The following NOS1AP variants were observed in gnomAD, a reference collection of about 807,000 sequenced individuals.
NOS1AP encodes the protein nitric oxide synthase 1 adaptor protein.
In NOS1AP, 21 loss-of-function variants were observed where a neutral mutation model predicts 56.2. The observed-to-expected ratio is 0.37, with a 90% confidence interval of 0.26 to 0.54. The LOEUF is 0.54. Among genes scored for constraint, NOS1AP ranks in the 20% least tolerant of loss-of-function variants. NOS1AP has a pLI of 0.84. For synonymous variants in NOS1AP, 270 were observed against 274.6 expected, an observed-to-expected ratio of 0.98 and a Z score of 0.17; for missense variants, 522 against 657.8, an observed-to-expected ratio of 0.79 and a Z score of 2.26.
Position 162,217,267 on chromosome 1 carries a change from C to CTTTTTTTTTTTTTTTTTTTTT in NOS1AP, c.177+62805_177+62806insTTTTTTTTTTTTTTTTTTTTT, listed in dbSNP as rs61378473. 2.8e-3 allele frequency among the ~76,000 whole-genome samples: 190 copies of CTTTTTTTTTTTTTTTTTTTTT among 68,376 alleles called. 44 individuals carry two copies. Among genetic ancestry groups the CTTTTTTTTTTTTTTTTTTTTT allele is most frequent in the African/African-American group, 3.4e-3 (58 of 16,940 alleles). 44.9% of individuals were successfully genotyped at this position (68,376 alleles called of 152,430 possible). On this transcript the variant is annotated intron_variant, in intron 2 of 9. Coordinates refer to ENST00000361897, the MANE Select transcript of NOS1AP (RefSeq NM_014697.3). ...TGGGTCCTGAAACAGCTGTTGTTAG[C>CTTTTTTTTTTTTTTTTTTTTT]TTTTTTTTTTTTTTGAGATGAAGTC...
At chr1:162,094,447 A>G (rs182332575) in intron 1 of NOS1AP, among the ~76,000 whole-genome samples, 20 of 152,238 alleles carry the variant, frequency 1.3e-4, no homozygotes, top group African/African-American at 4.8e-4. Context: ...CTTCCCCTGG[A>G]GCCCACAAAA....
At chr1:162,098,102 CTTTTTTTTTTTTT>C (rs35307081) in intron 1 of NOS1AP, among the ~76,000 whole-genome samples, 1 of 80,610 alleles carries the variant, frequency 1.2e-5, no homozygotes, top group Admixed American at 1.6e-4. Flanking sequence ...CTCTCTTTTG[CTTTTTTTTTTTTT>C]TTTTTTTTTG....
At chr1:162,170,899 A>G (rs1650745242) in intron 2 of NOS1AP, among the ~76,000 whole-genome samples, 1 of 151,690 alleles carries the variant, frequency 6.6e-6, no homozygotes, top group Non-Finnish European at 1.5e-5. Flanking sequence ...AGATTGTGCC[A>G]TTGCACTCTA....
At chr1:162,257,399 A>C (rs1284286376) in intron 2 of NOS1AP, among the ~76,000 whole-genome samples, 2 of 152,086 alleles carry the variant, frequency 1.3e-5, no homozygotes, top group East Asian at 3.9e-4. Flanking sequence ...CTGTAATCCC[A>C]GCACTTTGGG....
intron 1 of NOS1AP, among the ~76,000 whole-genome samples, chr1:162,078,888 G>T (rs1190670162): frequency 6.6e-6 from 1 of 152,152 alleles, no homozygotes; most frequent in Non-Finnish European, 1.5e-5. Flanking sequence ...TTGTATTAGA[G>T]CTGCTTGTCC....
chr1:162,113,744 C>T (rs1350774940), intron 1 of NOS1AP, among the ~76,000 whole-genome samples: 1 of 152,062 alleles, frequency 6.6e-6, no homozygotes, highest in African/African-American at 2.4e-5. Context: ...CTACCTCCTG[C>T]CAGGCCCCAC....
chr1:162,294,224 GAAGAAAGA>G (rs879481382), intron 3 of NOS1AP, among the ~76,000 whole-genome samples: 42 of 149,820 alleles, frequency 2.8e-4, no homozygotes, highest in Non-Finnish European at 4.9e-4. Flanking sequence ...AGGAAGGAAG[GAAGAAAGA>G]AAGGAAGGAA....
At chr1:162,121,082 A>ATTTTTTT (rs372854857) in intron 1 of NOS1AP, among the ~76,000 whole-genome samples, 2 of 103,064 alleles carry the variant, frequency 1.9e-5, no homozygotes, top group Non-Finnish European at 4.0e-5. Flanking sequence ...GCACACTAGG[A>ATTTTTTT]TTTTTTTTTT....
chr1:162,329,005 G>A (rs1012469205), intron 4 of NOS1AP, among the ~76,000 whole-genome samples: 2 of 139,096 alleles, frequency 1.4e-5, no homozygotes, highest in African/African-American at 6.6e-5. Flanking sequence ...GAGAAGGGGG[G>A]TATTGGTGGT....
chr1:162,307,352 G>C (rs1233023308), intron 4 of NOS1AP, among the ~76,000 whole-genome samples: 1 of 152,170 alleles, frequency 6.6e-6, no homozygotes, highest in Non-Finnish European at 1.5e-5. Flanking sequence ...AAACTAGGGG[G>C]AGTAAATTAA....
At chr1:162,221,738 G>A (rs1279183216) in intron 2 of NOS1AP, among the ~76,000 whole-genome samples, 3 of 152,094 alleles carry the variant, frequency 2.0e-5, no homozygotes, top group African/African-American at 4.8e-5. Flanking sequence ...ATTTAAAAAC[G>A]TTTGTCAGCA....
intron 1 of NOS1AP, among the ~76,000 whole-genome samples, chr1:162,108,252 C>G (rs1191312217): frequency 6.6e-6 from 1 of 152,192 alleles, no homozygotes; most frequent in Non-Finnish European, 1.5e-5. Flanking sequence ...CAGGGAAACT[C>G]TGGAGGACTC....
intron 6 of NOS1AP, among the ~76,000 whole-genome samples, chr1:162,351,924 TAAGGGCC>T (rs928545983): frequency 2.0e-5 from 3 of 152,204 alleles, no homozygotes; most frequent in African/African-American, 7.2e-5. Flanking sequence ...CAGGGGTTCC[TAAGGGCC>T]ACCTTTCTCT....
intron 2 of NOS1AP, among the ~76,000 whole-genome samples, chr1:162,218,950 C>T (rs1652672821): frequency 6.6e-6 from 1 of 152,182 alleles, no homozygotes; most frequent in Admixed American, 6.5e-5. Context: ...AACAGTTTTT[C>T]ACATGCAGTT....
At chr1:162,324,297 T>C (rs555351384) in intron 4 of NOS1AP, among the ~76,000 whole-genome samples, 1 of 152,268 alleles carries the variant, frequency 6.6e-6, no homozygotes, top group East Asian at 1.9e-4. Context: ...TAGATTTGGT[T>C]TTTGACAGCC....
chr1:162,117,525 C>T (rs1451257865), intron 1 of NOS1AP, among the ~76,000 whole-genome samples: 1 of 152,060 alleles, frequency 6.6e-6, no homozygotes, highest in East Asian at 1.9e-4. Flanking sequence ...CATTATGAGC[C>T]CTGGCAGACA....
Position 162,283,882 on chromosome 1 carries a change from G to A in NOS1AP, c.178-3462G>A, listed in dbSNP as rs192195936. On this transcript the variant is annotated intron_variant, in intron 2 of 9. Transcript: ENST00000361897. The stretch of plus-strand genomic sequence containing the variant: ...GCCATATTCAGGGAGGGCCAGGCCC[G>A]TTGGCACAGACTGCAGGGCTGGCAT... Among the ~76,000 whole-genome samples, 40 of 152,334 alleles carry A rather than the reference G, an allele frequency of 2.6e-4. No individual in the cohort carries two copies. In the East Asian group the frequency reaches 2.7e-3, roughly 10 times the overall value.
chr1:162,216,121 A>G (rs1430177594), intron 2 of NOS1AP, among the ~76,000 whole-genome samples: 2 of 152,104 alleles, frequency 1.3e-5, no homozygotes, highest in Admixed American at 6.5e-5. Context: ...CCCTGTCATC[A>G]GTCTTCTGAG....
At chr1:162,273,157 G>GTCC (rs1455250704) in intron 2 of NOS1AP, among the ~76,000 whole-genome samples, 6 of 102,678 alleles carry the variant, frequency 5.8e-5, no homozygotes, top group African/African-American at 2.0e-4. Flanking sequence ...GGAAGCCCTT[G>GTCC]TTCTTTTTTT....
Sources: gnomAD v4.1 joint callset for allele counts (sites outside exome capture counted in the v4.1 genomes callset) on GRCh38, gnomAD v4.1.1 for gene constraint, MANE v1.5 for transcripts, NCBI Gene and HGNC (gene_info 2026-07-23, HGNC 2026-07-21) for gene names.